HCRTR2: variants seen among roughly 807,000 people sequenced by gnomAD.
HCRTR2 encodes the protein hypocretin receptor 2.
A neutral mutation model predicts 49.0 loss-of-function variants in HCRTR2; 22 were observed. That is an observed-to-expected ratio of 0.45 (90% CI 0.32 to 0.64). HCRTR2 has a LOEUF of 0.64. Among genes scored for constraint, HCRTR2 ranks in the 30% least tolerant of loss-of-function variants. The probability of loss-of-function intolerance (pLI) is 0.04; values close to 1 mark genes in which losing one functional copy is unlikely to be tolerated. For synonymous variants in HCRTR2, 236 were observed against 205.3 expected (o/e 1.15, Z -1.28); for missense variants, 491 against 559.4 (o/e 0.88, Z 1.23).
chr6:55,224,578 G>T (rs1051473959), intron 1 of HCRTR2, among the ~76,000 whole-genome samples: 5 of 151,606 alleles, frequency 3.3e-5, no homozygotes, highest in African/African-American at 4.9e-5. Flanking sequence ...AGCCGAGGTT[G>T]TGCCACTGAA....
intron 1 of HCRTR2, among the ~76,000 whole-genome samples, chr6:55,210,059 G>A (rs73437019): frequency 0.027 from 4,029 of 152,034 alleles, 161 homozygotes; most frequent in African/African-American, 0.09. Flanking sequence ...TCATTCAAAG[G>A]GACCGTTCAC....
chr6:55,177,893 A>G (rs1247793946), intron 1 of HCRTR2, among the ~76,000 whole-genome samples: 2 of 152,192 alleles, frequency 1.3e-5, no homozygotes, highest in African/African-American at 2.4e-5. Flanking sequence ...ACATTCAATG[A>G]AAAGCTGTAA....
chr6:55,202,550 C>T (rs1479985934), intron 1 of HCRTR2, among the ~76,000 whole-genome samples: 1 of 152,138 alleles, frequency 6.6e-6, no homozygotes, highest in East Asian at 1.9e-4. Flanking sequence ...AGTCCAAGAT[C>T]GAATTTTATG....
downstream of HCRTR2, among the ~76,000 whole-genome samples, chr6:55,283,737 A>G (rs982057641): frequency 2.0e-5 from 3 of 152,186 alleles, no homozygotes; most frequent in Admixed American, 6.5e-5. Context: ...GATTGTATTG[A>G]AACAAAAGAT....
At chr6:55,267,880 C>T (rs1045495170) in intron 4 of HCRTR2, among the ~76,000 whole-genome samples, 2 of 151,778 alleles carry the variant, frequency 1.3e-5, no homozygotes, top group African/African-American at 2.4e-5. Flanking sequence ...GGCAGTAACT[C>T]GAGTCCATAC....
chr6:55,263,240 A>C (rs1766801495), intron 3 of HCRTR2, among the ~76,000 whole-genome samples: 1 of 152,050 alleles, frequency 6.6e-6, no homozygotes, highest in Non-Finnish European at 1.5e-5. Context: ...TTCTCAGGGA[A>C]CTTACATTCT....
At chr6:55,180,807 T>A (rs1285522241) in intron 1 of HCRTR2, among the ~76,000 whole-genome samples, 2 of 142,096 alleles carry the variant, frequency 1.4e-5, no homozygotes, top group South Asian at 4.2e-4. Context: ...TTTTTTTAAT[T>A]TTTTTTTTTT....
chr6:55,173,191 C>T (rs1032698109), upstream of HCRTR2, among the ~76,000 whole-genome samples: 1 of 152,182 alleles, frequency 6.6e-6, no homozygotes, highest in Non-Finnish European at 1.5e-5. Flanking sequence ...AAGATGCAAA[C>T]TAGGAATTAG....
At chr6:55,217,978 T>C (rs920138693) in intron 1 of HCRTR2, among the ~76,000 whole-genome samples, 2 of 152,152 alleles carry the variant, frequency 1.3e-5, no homozygotes, top group Non-Finnish European at 2.9e-5. Context: ...GCTCACACAG[T>C]TATGGAGACT....
At chr6:55,133,694 T>TATC (rs1448908939) in intron 1 of HCRTR2, among the ~76,000 whole-genome samples, 34 of 150,094 alleles carry the variant, frequency 2.3e-4, no homozygotes, top group South Asian at 4.1e-4. Context: ...TCTATCTATC[T>TATC]ATCTATCTAT....
At chr6:55,226,016 C>T (rs893202496) in intron 1 of HCRTR2, among the ~76,000 whole-genome samples, 10 of 152,174 alleles carry the variant, frequency 6.6e-5, no homozygotes, top group African/African-American at 2.4e-4. Context: ...TTGGGCATCC[C>T]TGTGCAATGA....
chr6:55,278,549 CT>C (rs1767123707), intron 5 of HCRTR2, among the ~76,000 whole-genome samples: 1 of 151,950 alleles, frequency 6.6e-6, no homozygotes, highest in Non-Finnish European at 1.5e-5. Context: ...GGTTTAACGG[CT>C]TTTTCAATGG....
At chr6:55,143,803 T>TAGAGCCA (rs1459842035) in intron 1 of HCRTR2, among the ~76,000 whole-genome samples, 1 of 152,152 alleles carries the variant, frequency 6.6e-6, no homozygotes, top group African/African-American at 2.4e-5. Flanking sequence ...GTACTGTGGG[T>TAGAGCCA]AGAGCCAAAA....
Position 55,248,737 on chromosome 6 carries a change from C to G in HCRTR2, c.322C>G (p.Leu108Val). 6.2e-7 allele frequency: 1 copy of G among 1,613,534 alleles called. No individual in the cohort carries two copies. Among genetic ancestry groups the G allele is most frequent in the Non-Finnish European group, 8.5e-7 (1 of 1,179,532 alleles). Residue 108 changes from leucine to valine, a missense_variant, in exon 2 of 7, where the codon CTT becomes GTT. Leu to Val is a conservative substitution (Grantham distance 32). Transcript: ENST00000370862. ...TGATGTGCTCGTGACCATCACCTGC[C>G]TTCCAGCCACACTGGTCGTGGATAT... ...LADVLVTITC[L>V]PATLVVDITE...
chr6:55,276,843 A>T (rs1048838119), intron 4 of HCRTR2, among the ~76,000 whole-genome samples: 2 of 152,226 alleles, frequency 1.3e-5, no homozygotes, highest in African/African-American at 4.8e-5. Flanking sequence ...TTGATTTTTT[A>T]AAAATATCCT....
At chr6:55,264,408 A>G (rs1184246566) in intron 4 of HCRTR2, among the ~76,000 whole-genome samples, 1 of 152,118 alleles carries the variant, frequency 6.6e-6, no homozygotes, top group Non-Finnish European at 1.5e-5. Flanking sequence ...GTTTGTATTC[A>G]TTCACTCAGT....
At chr6:55,142,620 T>A (rs1239724656) in intron 1 of HCRTR2, among the ~76,000 whole-genome samples, 2 of 152,094 alleles carry the variant, frequency 1.3e-5, no homozygotes, top group Non-Finnish European at 2.9e-5. Flanking sequence ...ACTATATAAG[T>A]ATATGTAAGT....
chr6:55,248,065 T>C (rs1235963720), intron 1 of HCRTR2, among the ~76,000 whole-genome samples: 3 of 152,118 alleles, frequency 2.0e-5, no homozygotes, highest in Non-Finnish European at 4.4e-5. Context: ...AAAATGTGGG[T>C]GATATCATTG....
intron 1 of HCRTR2, among the ~76,000 whole-genome samples, chr6:55,153,116 T>G (rs1303586050): frequency 6.6e-6 from 1 of 152,166 alleles, no homozygotes; most frequent in East Asian, 1.9e-4. Flanking sequence ...CATATGGATA[T>G]CCAGTTTTCA....
Sources: gnomAD v4.1 joint callset for allele counts (sites outside exome capture counted in the v4.1 genomes callset) on GRCh38, gnomAD v4.1.1 for gene constraint, MANE v1.5 for transcripts, NCBI Gene and HGNC (gene_info 2026-07-23, HGNC 2026-07-21) for gene names.